The following COL14A1 variants were observed in gnomAD, a reference collection of about 807,000 sequenced individuals.
COL14A1 encodes collagen alpha-1(XIV) chain.
COL14A1 carries 136 observed loss-of-function variants against 230.3 expected under a neutral mutation model. That is an observed-to-expected ratio of 0.59 (90% confidence interval 0.51 to 0.68). The LOEUF is 0.68. Among genes scored for constraint, COL14A1 ranks in the 30% least tolerant of loss-of-function variants. The pLI, the probability that COL14A1 is intolerant of heterozygous loss-of-function variation, is 0.00. For missense variants in COL14A1, 1,976 were observed against 2,215.8 expected (o/e 0.89, Z 2.17); for synonymous variants, 792 against 784.1 (o/e 1.01, Z -0.17).
At chr8:120,218,137 A>G (rs1478139771) in intron 14 of COL14A1, among the ~76,000 whole-genome samples, 2 of 135,136 alleles carry the variant, frequency 1.5e-5, no homozygotes, top group Non-Finnish European at 3.1e-5. Flanking sequence ...AAAATATATA[A>G]TATATAAATA....
At position 120,357,356 on chromosome 8, in the gene COL14A1, G is replaced by A. The variant is rs148555161; in HGVS notation, c.5078-9815G>A. Among the ~76,000 whole-genome samples the A allele has an allele frequency of 9.2e-5, 14 of 152,210 alleles. No individual in the cohort carries two copies. The South Asian group carries it at 1.0e-3, about 11-fold the overall frequency. ...TCAGTTCCTCACTGTGGAGCTCTTCGTGGGGCATGGTTGAGAATTCATTTT... is the reference window on the plus strand; with the variant it reads ...TCAGTTCCTCACTGTGGAGCTCTTCATGGGGCATGGTTGAGAATTCATTTT... On this transcript the variant is annotated intron_variant, in intron 45 of 47. Transcript: ENST00000297848.
At chr8:120,233,574 A>T (rs1052256019) in intron 19 of COL14A1, among the ~76,000 whole-genome samples, 2 of 152,136 alleles carry the variant, frequency 1.3e-5, no homozygotes, top group African/African-American at 4.8e-5. Flanking sequence ...TTAAATAGGG[A>T]ATCCCCTCCC....
chr8:120,369,338 G>T lies in COL14A1; in HGVS notation c.5164G>T (p.Gly1722Trp). 1 of 1,586,118 alleles carries T rather than the reference G, an allele frequency of 6.3e-7. No homozygotes were observed. Among genetic ancestry groups the T allele is most frequent in the Non-Finnish European group, 8.6e-7 (1 of 1,167,100 alleles). Residue 1722 changes from glycine to tryptophan, a missense_variant, in exon 47 of 48, where the codon GGG becomes TGG. By Grantham distance (184) the Gly-to-Trp change is radical (BLOSUM62 -2). This residue lies in a region of COL14A1 where 1,791 missense variants were observed against 2,019.5 expected (regional missense o/e 0.89). Transcript: ENST00000297848. ...CTGTGGGTACTTCTTAGGACCTTCA[G>T]GGGAGAGTCGGCCTGGCAGCCCTGG... ...RGPPGPAGPS[G>W]ESRPGSPGPP...
chr8:120,273,140 T>C (rs978087047), intron 26 of COL14A1, among the ~76,000 whole-genome samples: 2 of 151,706 alleles, frequency 1.3e-5, no homozygotes, highest in Non-Finnish European at 3.0e-5. Context: ...CCAAAAGGAA[T>C]CCTCAAAAGT....
chr8:120,219,186 G>A (rs1306672708), intron 14 of COL14A1, among the ~76,000 whole-genome samples: 2 of 152,014 alleles, frequency 1.3e-5, no homozygotes, highest in African/African-American at 4.8e-5. Flanking sequence ...GTGTGATCGT[G>A]GCTCACTGCA....
At chr8:120,277,147 T>C (rs1044657716) in intron 26 of COL14A1, among the ~76,000 whole-genome samples, 1 of 152,114 alleles carries the variant, frequency 6.6e-6, no homozygotes, top group African/African-American at 2.4e-5. Flanking sequence ...ATAGTAGTGG[T>C]TAAGAACATA....
chr8:120,183,555 C>T (rs1250779461), intron 5 of COL14A1, among the ~76,000 whole-genome samples: 1 of 152,134 alleles, frequency 6.6e-6, no homozygotes, highest in Non-Finnish European at 1.5e-5. Context: ...ATATGACAGC[C>T]CTTTACATAT....
intron 1 of COL14A1, among the ~76,000 whole-genome samples, chr8:120,128,756 G>T (rs1782312740): frequency 1.3e-5 from 2 of 152,156 alleles, no homozygotes; most frequent in African/African-American, 4.8e-5. Flanking sequence ...TGGTCTTGTT[G>T]CACTTTTCTC....
chr8:120,131,519 A>C (rs2130381374), intron 1 of COL14A1, among the ~76,000 whole-genome samples: 1 of 152,186 alleles, frequency 6.6e-6, no homozygotes, highest in South Asian at 2.1e-4. Context: ...TTTGAGAAAT[A>C]TCCGCTCATG....
At chr8:120,276,136 A>G (rs536296709) in intron 26 of COL14A1, among the ~76,000 whole-genome samples, 1 of 151,030 alleles carries the variant, frequency 6.6e-6, no homozygotes, top group South Asian at 2.1e-4. Flanking sequence ...AAAAAAATAT[A>G]TTATATATAT....
chr8:120,175,076 G>A (rs548290585), intron 5 of COL14A1, among the ~76,000 whole-genome samples: 2 of 152,272 alleles, frequency 1.3e-5, no homozygotes, highest in South Asian at 2.1e-4. Context: ...ACAATCAGAC[G>A]TATTATACAT....
chr8:120,198,024 T>C lies in COL14A1; in HGVS notation c.712+94T>C, dbSNP rs375212273. The stretch of plus-strand genomic sequence containing the variant: ...CCACTTTGTAAGCGTTATCATAATG[T>C]TTTAATTAAACTAGCACTTAGGATT... On this transcript the variant is annotated intron_variant, in intron 7 of 47. Transcript: ENST00000297848. The C allele has an allele frequency of 1.2e-4, 152 of 1,275,352 alleles. No homozygotes were observed. The African/African-American group carries it at 1.7e-3, about 14-fold the overall frequency. The allele number at this position is 1,275,352 out of a possible 1,614,324, so 79.0% of individuals were successfully genotyped here.
chr8:120,160,977 G>A (rs1256944838), intron 3 of COL14A1, among the ~76,000 whole-genome samples: 1 of 152,070 alleles, frequency 6.6e-6, no homozygotes, highest in East Asian at 1.9e-4. Context: ...CTAATATACA[G>A]GGTTTGTTTT....
intron 1 of COL14A1, among the ~76,000 whole-genome samples, chr8:120,128,226 C>CGTGTGT (rs1191519762): frequency 8.0e-5 from 8 of 100,542 alleles, no homozygotes; most frequent in Admixed American, 4.7e-4. Context: ...TGTGTGCGCG[C>CGTGTGT]GCGTGTGTGT....
Position 120,371,766 on chromosome 8 carries a change from G to T in COL14A1, c.*535G>T. The T allele has an allele frequency of 2.5e-6, 1 of 394,992 alleles. No individual in the cohort carries two copies. Among genetic ancestry groups the T allele is most frequent in the East Asian group, 3.6e-5 (1 of 27,788 alleles). The allele number at this position is 394,992 out of a possible 1,614,324, so 24.5% of individuals were successfully genotyped here. A position where few individuals can be genotyped will look rare whatever the true frequency, so the allele number is the denominator to read the frequency against. On this transcript the variant is annotated 3_prime_UTR_variant, in exon 48 of 48. Transcript: ENST00000297848. ...GAGATCACTTGGTAACTGGTTTCAT[G>T]TGTATCCAAAAATCAGCATTTGGAT...
intron 1 of COL14A1, among the ~76,000 whole-genome samples, chr8:120,132,563 A>ATTTTTTTT (rs11371929): frequency 6.8e-6 from 1 of 146,220 alleles, no homozygotes; most frequent in Non-Finnish European, 1.5e-5. Context: ...TTTGTTTAGA[A>ATTTTTTTT]TTTTTTTTTT....
chr8:120,370,208 A>C (rs1823539091), intron 47 of COL14A1: 18 of 940,232 alleles, frequency 1.9e-5, no homozygotes, highest in Non-Finnish European at 2.5e-5. Flanking sequence ...ATGGGTTTAA[A>C]ATTTTCTGCT....
chr8:120,279,928 G>A lies in COL14A1; in HGVS notation c.3482-7G>A. 1 of 1,612,572 alleles carries A rather than the reference G, an allele frequency of 6.2e-7. No individual in the cohort carries two copies. The highest frequency in any genetic ancestry group is 8.5e-7 in the Non-Finnish European group (1 of 1,179,138). The stretch of plus-strand genomic sequence containing the variant: ...GTAATCGGAAATCTGTTCTCTGTCT[G>A]CCACAGGCTATAGCATTTTTGCAAT... On this transcript the variant is annotated splice_region_variant and splice_polypyrimidine_tract_variant and intron_variant, in intron 28 of 47. Transcript: ENST00000297848.
intron 45 of COL14A1, among the ~76,000 whole-genome samples, chr8:120,359,065 GT>G (rs200148832): frequency 0.028 from 4,030 of 144,850 alleles, 76 homozygotes; most frequent in Non-Finnish European, 0.038. Context: ...TGTGTTTATC[GT>G]TTTTTTTTTT....
Sources: gnomAD v4.1 joint callset for allele counts (sites outside exome capture counted in the v4.1 genomes callset) on GRCh38, gnomAD v4.1.1 for gene constraint, gnomAD v4.1.1 regional missense constraint, MANE v1.5 for transcripts, NCBI Gene and HGNC (gene_info 2026-07-23, HGNC 2026-07-21) for gene names.